C1QBP: variants seen among roughly 807,000 people sequenced by gnomAD.
C1QBP encodes the protein complement C1q binding protein, also known as complement component 1 Q subcomponent-binding protein, mitochondrial.
Under a neutral mutation model 29.4 loss-of-function variants are expected in C1QBP, and 24 were observed. That is an observed-to-expected ratio of 0.82 (90% CI 0.59 to 1.15). C1QBP has a LOEUF of 1.15. C1QBP is among the 50% of genes most tolerant of loss of function. C1QBP has a pLI of 0.00. For missense variants in C1QBP, 337 were observed against 355.8 expected (o/e 0.95, Z 0.43); for synonymous variants, 182 against 149.2 (o/e 1.22, Z -1.60).
chr17:5,433,098 G>A lies in C1QBP; in HGVS notation c.766C>T (p.Leu256=), dbSNP rs1348584272. 5.0e-6 allele frequency: 8 copies of A among 1,613,930 alleles called. No homozygotes were observed. Among genetic ancestry groups the A allele is most frequent in the Non-Finnish European group, 6.8e-6 (8 of 1,180,022 alleles). The change falls in exon 6 of 6, where the codon CTG becomes TTG. Residue 256 remains leucine, a synonymous_variant. Coordinates refer to ENST00000225698, the MANE Select transcript of C1QBP (RefSeq NM_001212.4). Reference sequence around the variant, plus strand: ...TCCAGGGCTGTGCTGAGCTCCACCAGCTCATCTGCAAAAGTGTTGTCCACC... The same window carrying A: ...TCCAGGGCTGTGCTGAGCTCCACCAACTCATCTGCAAAAGTGTTGTCCACC... The part of the protein sequence containing the change: ...RGVDNTFADE[L]VELSTALEHQ...
At chr17:5,436,041 T>TCG (rs72166796) in intron 2 of C1QBP, among the ~76,000 whole-genome samples, 1 of 38,822 alleles carries the variant, frequency 2.6e-5, no homozygotes, top group African/African-American at 9.7e-5. Flanking sequence ...CAAGACTCTG[T>TCG]CAGAAAAAAA....
At chr17:5,433,964 C>A in intron 3 of C1QBP, 197 bp from the exon 4 acceptor site, 1 of 604,466 alleles carries the variant, frequency 1.7e-6, no homozygotes, top group South Asian at 2.0e-5. Context: ...AAATAACACA[C>A]TGGGTTTTCA....
intron 3 of C1QBP, 52 bp from the exon 4 acceptor site, chr17:5,433,819 TG>T: frequency 6.8e-7 from 1 of 1,474,802 alleles, no homozygotes; most frequent in Non-Finnish European, 9.5e-7. Flanking sequence ...GATGGATGGC[TG>T]GATCAAGGAT....
chr17:5,435,953 G>C (rs1251075781), intron 2 of C1QBP, among the ~76,000 whole-genome samples: 1 of 149,094 alleles, frequency 6.7e-6, no homozygotes, highest in Non-Finnish European at 1.5e-5. Flanking sequence ...GGCTGAGGCA[G>C]GAGAATTGCT....
rs1269811088 is a variant in C1QBP, at chr17:5,434,950, T to C, written c.400A>G (p.Asn134Asp). ...GTTGGTGGGATGCTGTTGTTAATGTTGAAAGTGACCGTGATTCTAAAACGG... is the reference window on the plus strand; with the variant it reads ...GTTGGTGGGATGCTGTTGTTAATGTCGAAAGTGACCGTGATTCTAAAACGG... ...VAGEKITVTF[N>D]INNSIPPTFD... is the part of the protein sequence containing the mutation. The change falls in exon 3 of 6, where the codon AAC becomes GAC. Residue 134 changes from asparagine to aspartate, a missense_variant. By Grantham distance (23) the Asn-to-Asp change is conservative. Coordinates refer to ENST00000225698, the MANE Select transcript of C1QBP (RefSeq NM_001212.4). The C allele has an allele frequency of 1.2e-6, 2 of 1,613,936 alleles. No individual in the cohort carries two copies. The highest frequency in any genetic ancestry group is 1.7e-6 in the Non-Finnish European group (2 of 1,179,952).
chr17:5,437,783 C>G (rs1017800386), intron 2 of C1QBP, among the ~76,000 whole-genome samples: 10 of 152,222 alleles, frequency 6.6e-5, no homozygotes, highest in Admixed American at 6.5e-4. Flanking sequence ...TAACCCCATC[C>G]TGTTACATAG....
At position 5,439,001 on chromosome 17, in the gene C1QBP, C is replaced by G; in HGVS notation, c.73G>C (p.Ala25Pro). The G allele has an allele frequency of 1.4e-6, 2 of 1,481,322 alleles. No individual in the cohort carries two copies. Among genetic ancestry groups the G allele is most frequent in the East Asian group, 2.8e-5 (1 of 35,568 alleles). 91.8% of individuals were successfully genotyped at this position (1,481,322 alleles called of 1,614,324 possible). A position where few individuals can be genotyped will look rare whatever the true frequency, so the allele number is the denominator to read the frequency against. The change falls in exon 1 of 6, where the codon GCC becomes CCC. Residue 25 changes from alanine to proline, a missense_variant. Transcript: ENST00000225698. The stretch of plus-strand genomic sequence containing the variant: ...TGCAGGAGCTGCCGGAAAGGCGAGG[C>G]GGGCGCGGCAGCGCGGAGGCCGGCG... ...SVAGLRAAAP[A>P]SPFRQLLQPA...
chr17:5,438,790 A>C, intron 1 of C1QBP, 52 bp downstream of exon 1: 2 of 1,545,836 alleles, frequency 1.3e-6, no homozygotes, highest in South Asian at 1.2e-5. Context: ...TTCCTGGTCT[A>C]CGTTTTCCCT....
chr17:5,436,801 C>T lies in C1QBP; in HGVS notation c.383+1322G>A, dbSNP rs531046709. 6.1e-4 allele frequency among the ~76,000 whole-genome samples: 93 copies of T among 152,242 alleles called. No individual in the cohort carries two copies. The South Asian group carries it at 0.017, about 27-fold the overall frequency. On this transcript the variant is annotated intron_variant, in intron 2 of 5. Coordinates refer to ENST00000225698, the MANE Select transcript of C1QBP (RefSeq NM_001212.4). ...TTGGGAGGCCAAGGCGGGCGGATCA[C>T]GAGGTCAGGACTTTGAGACCAGCCT...
At chr17:5,438,687 G>A in intron 1 of C1QBP, 155 bp downstream of exon 1, 5 of 1,477,572 alleles carry the variant, frequency 3.4e-6, no homozygotes, top group Non-Finnish European at 4.6e-6. Flanking sequence ...GGATAGGGGA[G>A]GTGGGGGAAA....
chr17:5,439,124 G>C lies in C1QBP; in HGVS notation c.-51C>G, dbSNP rs1216996097. 7 of 1,533,820 alleles carry C rather than the reference G, an allele frequency of 4.6e-6. No individual in the cohort carries two copies. The highest frequency in any genetic ancestry group is 2.3e-4 in the Middle Eastern group (1 of 4,316). Reference sequence around the variant, plus strand: ...AGATGCAAAGGACAACCCAGGCCTAGGCGCCCCGCGACCTGAGGCGCCGCC... The same window carrying C: ...AGATGCAAAGGACAACCCAGGCCTACGCGCCCCGCGACCTGAGGCGCCGCC... On this transcript the variant is annotated 5_prime_UTR_variant, in exon 1 of 6. Coordinates refer to ENST00000225698, the MANE Select transcript of C1QBP (RefSeq NM_001212.4).
In C1QBP at chr17:5,439,090, A is replaced by G. The variant is rs1916356222; in HGVS notation, c.-17T>C. The G allele has an allele frequency of 1.9e-6, 3 of 1,540,570 alleles. No homozygotes were observed. The highest frequency in any genetic ancestry group is 1.4e-5 in the African/African-American group (1 of 71,606). ...AGGCAGCATCGCGGAAACGACTGCGAACACGTGCAGATGCAAAGGACAACC... is the reference window on the plus strand; with the variant it reads ...AGGCAGCATCGCGGAAACGACTGCGGACACGTGCAGATGCAAAGGACAACC... On this transcript the variant is annotated 5_prime_UTR_variant, in exon 1 of 6. Coordinates refer to ENST00000225698, the MANE Select transcript of C1QBP (RefSeq NM_001212.4).
chr17:5,435,437 G>GC (rs1293202553), intron 2 of C1QBP, among the ~76,000 whole-genome samples: 1 of 152,178 alleles, frequency 6.6e-6, no homozygotes, highest in Non-Finnish European at 1.5e-5. Context: ...AATTTGCCCT[G>GC]CAAGGAAAGG....
intron 2 of C1QBP, among the ~76,000 whole-genome samples, chr17:5,437,251 C>T (rs139373475): frequency 2.9e-3 from 449 of 152,242 alleles, no homozygotes; most frequent in African/African-American, 0.01. Flanking sequence ...ATGGGTAAAT[C>T]GTATGCCATC....
At position 5,433,145 on chromosome 17, in the gene C1QBP, A is replaced by T; in HGVS notation, c.719T>A (p.Met240Lys). ...CACCCCTCGGTCGGCAAGGAAATCCATTAGGTGGTCATATAAGGCCTGCAA... is the reference window on the plus strand; with the variant it reads ...CACCCCTCGGTCGGCAAGGAAATCCTTTAGGTGGTCATATAAGGCCTGCAA... Reference protein sequence around the residue: ...SLDWALYDHLMDFLADRGVDN... With the variant: ...SLDWALYDHLKDFLADRGVDN... The change falls in exon 6 of 6, where the codon ATG becomes AAG. Residue 240 changes from methionine (M) to lysine (K), a missense_variant. Coordinates refer to ENST00000225698, the MANE Select transcript of C1QBP (RefSeq NM_001212.4). 6.2e-7 allele frequency: 1 copy of T among 1,614,038 alleles called. No homozygotes were observed. Among genetic ancestry groups the T allele is most frequent in the Non-Finnish European group, 8.5e-7 (1 of 1,180,004 alleles).
rs758134575 is a variant in C1QBP at position 5,433,645 on chromosome 17, A to G, written c.576+24T>C. On this transcript the variant is annotated intron_variant, in intron 4 of 5. Coordinates refer to ENST00000225698, the MANE Select transcript of C1QBP (RefSeq NM_001212.4). ...CACACTGTTCCCCAGGGGTGCCAAG[A>G]GGCTAGCACTCCATCCTGCATACCT... is the stretch of plus-strand genomic sequence containing the variant. 4.0e-5 allele frequency: 65 copies of G among 1,606,266 alleles called. 2 individuals carry two copies. In the South Asian group the frequency reaches 6.4e-4, roughly 16 times the overall value.
chr17:5,433,097 A>C lies in C1QBP; in HGVS notation c.767T>G (p.Leu256Arg). The C allele has an allele frequency of 1.2e-6, 2 of 1,614,174 alleles. No individual in the cohort carries two copies. Among genetic ancestry groups the C allele is most frequent in the Non-Finnish European group, 1.7e-6 (2 of 1,180,028 alleles). The stretch of plus-strand genomic sequence containing the variant: ...CTCCAGGGCTGTGCTGAGCTCCACC[A>C]GCTCATCTGCAAAAGTGTTGTCCAC... ...RGVDNTFADE[L>R]VELSTALEHQ... Residue 256 changes from leucine to arginine, a missense_variant, in exon 6 of 6, where the codon CTG (leucine) becomes CGG (arginine). Physicochemically the swap from Leu to Arg is moderately radical, Grantham distance 102 (BLOSUM62 -2). Coordinates refer to ENST00000225698, the MANE Select transcript of C1QBP (RefSeq NM_001212.4).
In C1QBP at chr17:5,438,114, A is replaced by G; in HGVS notation, c.383+9T>C. 1 of 1,611,748 alleles carries G rather than the reference A, an allele frequency of 6.2e-7. No individual in the cohort carries two copies. The highest frequency in any genetic ancestry group is 2.2e-5 in the East Asian group (1 of 44,874). ...GTTGCTGCCCTGGGATCCCCAGACC[A>G]GTACTTACTTTTCCCCGGCAACTTT... On this transcript the variant is annotated intron_variant, in intron 2 of 5. Coordinates refer to ENST00000225698, the MANE Select transcript of C1QBP (RefSeq NM_001212.4).
chr17:5,435,008 G>A, intron 2 of C1QBP, 42 bp from the exon 3 acceptor site: 2 of 1,529,754 alleles, frequency 1.3e-6, no homozygotes, highest in South Asian at 1.1e-5. Context: ...AACAGACAAG[G>A]CATGGTTTTA....
Sources: allele counts gnomAD v4.1 joint callset (sites outside exome capture counted in the v4.1 genomes callset), GRCh38; gene constraint gnomAD v4.1.1; transcripts MANE v1.5; gene names NCBI Gene and HGNC (gene_info 2026-07-23, HGNC 2026-07-21).